SEMA3D: variants seen among roughly 807,000 people sequenced by gnomAD.
SEMA3D encodes semaphorin 3D.
In SEMA3D, 84 loss-of-function variants were observed where a neutral mutation model predicts 100.1. The observed-to-expected ratio is 0.84, with a 90% CI of 0.70 to 1.01. The LOEUF is 1.01. Ranked by LOEUF, SEMA3D falls within the 50% of genes least tolerant of loss-of-function variation. The probability of loss-of-function intolerance (pLI) is 0.00; values close to 1 mark genes in which losing one functional copy is unlikely to be tolerated. For missense variants in SEMA3D, 875 were observed against 934.1 expected (o/e 0.94, Z 0.82); for synonymous variants, 312 against 320.7 (o/e 0.97, Z 0.29).
At chr7:85,050,072 AAC>A (rs55849524) in intron 9 of SEMA3D, among the ~76,000 whole-genome samples, 19,141 of 136,636 alleles carry the variant, frequency 0.14, 1,273 homozygotes, top group Middle Eastern at 0.21. Context: ...CTTGAAGGGA[AAC>A]ACACACACAC....
intron 4 of SEMA3D, among the ~76,000 whole-genome samples, chr7:85,084,103 C>T (rs1013314895): frequency 1.5e-4 from 22 of 151,582 alleles, no homozygotes; most frequent in Non-Finnish European, 2.6e-4. Context: ...GAGGAGATCG[C>T]GCCACTGCAC....
At chr7:85,016,358 T>C (rs143109134) in intron 15 of SEMA3D, among the ~76,000 whole-genome samples, 1 of 151,602 alleles carries the variant, frequency 6.6e-6, no homozygotes, top group Admixed American at 6.6e-5. Flanking sequence ...ACAATATAAG[T>C]ATAAATGTAA....
At chr7:85,169,456 T>C (rs1355618256) in intron 1 of SEMA3D, among the ~76,000 whole-genome samples, 1 of 151,790 alleles carries the variant, frequency 6.6e-6, no homozygotes, top group African/African-American at 2.4e-5. Flanking sequence ...TAAAGCGAAA[T>C]GGGCTGATAG....
At chr7:85,066,913 C>CATACACACACACAGAGAGAGAGAG in intron 7 of SEMA3D, among the ~76,000 whole-genome samples, 26 of 127,756 alleles carry the variant, frequency 2.0e-4, no homozygotes, top group African/African-American at 5.7e-4. Flanking sequence ...CACACACACA[C>CATACACACACACAGAGAGAGAGAG]AGAGAGAGAG....
chr7:85,218,268 A>G, the SEMA3D span, among the ~76,000 whole-genome samples: 2 of 152,098 alleles, frequency 1.3e-5, no homozygotes, highest in African/African-American at 4.8e-5. Context: ...AACTATCAAA[A>G]TGTATTCTTA....
chr7:85,069,308 G>C (rs1165698564), intron 6 of SEMA3D, among the ~76,000 whole-genome samples: 2 of 152,086 alleles, frequency 1.3e-5, no homozygotes, highest in African/African-American at 4.8e-5. Context: ...AAGACCAATA[G>C]TAACTATTGC....
intron 1 of SEMA3D, among the ~76,000 whole-genome samples, chr7:85,163,675 A>T (rs1486247339): frequency 6.6e-6 from 1 of 152,138 alleles, no homozygotes; most frequent in African/African-American, 2.4e-5. Context: ...AAATGGGCAA[A>T]GAAGCCCCTT....
At chr7:85,193,596 A>G in the SEMA3D span, among the ~76,000 whole-genome samples, 1 of 152,128 alleles carries the variant, frequency 6.6e-6, no homozygotes, top group African/African-American at 2.4e-5. Context: ...CCACTTTGCA[A>G]GTAGAAAATA....
intron 11 of SEMA3D, among the ~76,000 whole-genome samples, chr7:85,038,945 T>A (rs977427139): frequency 6.6e-6 from 1 of 152,170 alleles, no homozygotes; most frequent in Admixed American, 6.6e-5. Context: ...AAATGAGGAT[T>A]GTGCCACAGA....
At chr7:85,231,066 G>A in the SEMA3D span, among the ~76,000 whole-genome samples, 1 of 152,134 alleles carries the variant, frequency 6.6e-6, no homozygotes, top group Middle Eastern at 3.4e-3. Context: ...TTCTTAAAAC[G>A]TTCTTTTCTA....
intron 3 of SEMA3D, among the ~76,000 whole-genome samples, chr7:85,121,057 G>A (rs1789398028): frequency 6.6e-6 from 1 of 152,070 alleles, no homozygotes; most frequent in African/African-American, 2.4e-5. Flanking sequence ...TGAGAATAAA[G>A]AAGTTTTATT....
chr7:85,248,634 T>C, the SEMA3D span, among the ~76,000 whole-genome samples: 1 of 152,142 alleles, frequency 6.6e-6, no homozygotes. Context: ...AATGGAATAT[T>C]ATTCAGCACT....
At chr7:85,043,820 C>A (rs569263743) in intron 9 of SEMA3D, among the ~76,000 whole-genome samples, 1 of 152,080 alleles carries the variant, frequency 6.6e-6, no homozygotes, top group East Asian at 1.9e-4. Context: ...CCTTGCCTTC[C>A]GCTATGAATG....
chr7:85,018,090 A>C (rs1437045809), intron 15 of SEMA3D, among the ~76,000 whole-genome samples, 162 bp downstream of exon 15: 1 of 151,818 alleles, frequency 6.6e-6, no homozygotes, highest in Non-Finnish European at 1.5e-5. Context: ...TCCCAAGGCA[A>C]GGCTGAAACA....
intron 4 of SEMA3D, 149 bp downstream of exon 4, chr7:85,097,656 A>T (rs1025897816): frequency 6.7e-6 from 3 of 448,090 alleles, no homozygotes; most frequent in Non-Finnish European, 1.2e-5. Flanking sequence ...TGTGTATCAG[A>T]GGCAATATAT....
At chr7:85,227,241 A>T in the SEMA3D span, among the ~76,000 whole-genome samples, 1 of 152,174 alleles carries the variant, frequency 6.6e-6, no homozygotes, top group Non-Finnish European at 1.5e-5. Flanking sequence ...TCTTTGAAAC[A>T]TTGTAAACCT....
intron 17 of SEMA3D, among the ~76,000 whole-genome samples, chr7:85,009,895 A>C (rs973075036): frequency 1.3e-5 from 2 of 151,858 alleles, no homozygotes; most frequent in African/African-American, 4.8e-5. Flanking sequence ...TATGAAATTC[A>C]CTGCCCTCTA....
chr7:85,249,840 A>G, the SEMA3D span, among the ~76,000 whole-genome samples: 1 of 152,202 alleles, frequency 6.6e-6, no homozygotes, highest in African/African-American at 2.4e-5. Context: ...TATAAAAATT[A>G]AATTTTCGAT....
chr7:85,160,523 G>A (rs889093481), intron 1 of SEMA3D, among the ~76,000 whole-genome samples: 2 of 152,134 alleles, frequency 1.3e-5, no homozygotes, highest in African/African-American at 4.8e-5. Flanking sequence ...TGGGGGCGAT[G>A]CGGTTTGCCT....
Sources: gnomAD v4.1 joint callset for allele counts (sites outside exome capture counted in the v4.1 genomes callset) on GRCh38, gnomAD v4.1.1 for gene constraint, MANE v1.5 for transcripts, NCBI Gene and HGNC (gene_info 2026-07-23, HGNC 2026-07-21) for gene names.